The following ABLIM3 variants were observed in gnomAD, a reference collection of about 807,000 sequenced individuals.
ABLIM3 encodes the protein actin binding LIM protein family member 3.
Under a neutral mutation model 109.5 loss-of-function variants are expected in ABLIM3, and 61 were observed. The observed-to-expected ratio is 0.56, with a 90% CI of 0.45 to 0.69. The LOEUF (loss-of-function observed/expected upper bound fraction) is 0.69, where lower values mean the gene tolerates loss of function less well. Ranked by LOEUF, ABLIM3 falls within the 30% of genes least tolerant of loss-of-function variation. ABLIM3 has a pLI of 0.00. For synonymous variants in ABLIM3, 300 were observed against 324.8 expected, an observed-to-expected ratio of 0.92 and a Z score of 0.82; for missense variants, 796 against 889.5, an observed-to-expected ratio of 0.89 and a Z score of 1.34.
chr5:149,164,337 G>C (rs1482879637), intron 2 of ABLIM3: 1 of 152,218 alleles, frequency 6.6e-6, no homozygotes, highest in East Asian at 1.9e-4. Flanking sequence ...CCAAATGTTT[G>C]TTGAGTGCCC....
chr5:149,176,407 C>T (rs1019785246), intron 2 of ABLIM3, among the ~76,000 whole-genome samples: 13 of 152,182 alleles, frequency 8.5e-5, no homozygotes, highest in Non-Finnish European at 1.8e-4. Context: ...TACACCTTTA[C>T]CCCTGCTTCC....
intron 3 of ABLIM3, among the ~76,000 whole-genome samples, chr5:149,197,508 C>G (rs1189854071): frequency 6.6e-6 from 1 of 152,062 alleles, no homozygotes; most frequent in Admixed American, 6.5e-5. Flanking sequence ...ATTTTTAGCT[C>G]TTTGAGATTC....
intron 3 of ABLIM3, among the ~76,000 whole-genome samples, chr5:149,194,969 A>G (rs1188175841): frequency 1.3e-5 from 2 of 152,214 alleles, no homozygotes; most frequent in Non-Finnish European, 2.9e-5. Flanking sequence ...TATGTATAAT[A>G]TATTTCACAA....
At position 149,143,277 on chromosome 5, in the gene ABLIM3, T is replaced by G. The variant is rs375579343; in HGVS notation, c.13+1169T>G. 2.6e-5 allele frequency among the ~76,000 whole-genome samples: 4 copies of G among 151,810 alleles called. No homozygotes were observed. In the East Asian group the frequency reaches 7.8e-4, roughly 30 times the overall value. On this transcript the variant is annotated intron_variant, in intron 2 of 23. Coordinates refer to ENST00000309868, the MANE Select transcript of ABLIM3 (RefSeq NM_014945.5). ...ACTCAAGAGGCTGAGGCAGGAGAAT[T>G]GCTTGAACCTGGGAGGCAGAGGTTG...
intron 8 of ABLIM3, chr5:149,217,346 G>A: frequency 2.3e-6 from 1 of 443,534 alleles, no homozygotes; most frequent in Non-Finnish European, 4.2e-6. Context: ...TTGGGGGTGG[G>A]AAGCTGAGCT....
intron 6 of ABLIM3, among the ~76,000 whole-genome samples, chr5:149,208,833 G>T (rs1034834023): frequency 6.6e-6 from 1 of 152,194 alleles, no homozygotes; most frequent in Non-Finnish European, 1.5e-5. Context: ...AAAGGGCTGT[G>T]AATATTCAGA....
At chr5:149,164,023 C>A (rs2127450980) in intron 2 of ABLIM3, 1 of 152,180 alleles carries the variant, frequency 6.6e-6, no homozygotes, top group South Asian at 2.1e-4. Flanking sequence ...TTTAATATTT[C>A]TATTATTTTT....
Position 149,252,850 on chromosome 5 carries a change from A to C in ABLIM3, c.1938+13A>C, listed in dbSNP as rs1412166744. On this transcript the variant is annotated intron_variant, in intron 23 of 23. Coordinates refer to ENST00000309868, the MANE Select transcript of ABLIM3 (RefSeq NM_014945.5). The stretch of plus-strand genomic sequence containing the variant: ...GACCCGTTTAGAGGTAAGTCTAAAA[A>C]ACTGAGCAGGAGCTCTTGGGTTGGA... The C allele has an allele frequency of 6.2e-7, 1 of 1,608,574 alleles. No individual in the cohort carries two copies. Among genetic ancestry groups the C allele is most frequent in the Non-Finnish European group, 8.5e-7 (1 of 1,175,308 alleles).
rs1275432999 is a variant in ABLIM3, at chr5:149,247,772, C to T, written c.1552-10C>T. 8.7e-6 allele frequency: 14 copies of T among 1,614,070 alleles called. No homozygotes were observed. The highest frequency in any genetic ancestry group is 4.5e-5 in the East Asian group (2 of 44,894). On this transcript the variant is annotated splice_polypyrimidine_tract_variant and intron_variant, in intron 17 of 23. Transcript: ENST00000309868. ...CTTCTAACTTTATCTTGCTCTTCCC[C>T]GACCCTCAGCTCCAAAGTGGAATTG...
intron 23 of ABLIM3, among the ~76,000 whole-genome samples, chr5:149,256,246 C>T (rs573465575): frequency 1.4e-4 from 22 of 152,176 alleles, no homozygotes; most frequent in Admixed American, 6.5e-4. Flanking sequence ...AGACTCATAA[C>T]AAAGATTTTT....
intron 23 of ABLIM3, among the ~76,000 whole-genome samples, chr5:149,256,421 C>T (rs933450398): frequency 8.5e-5 from 13 of 152,184 alleles, no homozygotes; most frequent in African/African-American, 3.1e-4. Context: ...TTGAGTAGCA[C>T]AAACATGGAC....
Position 149,258,921 on chromosome 5 carries a change from G to T in ABLIM3, c.*517G>T. Reference sequence around the variant, plus strand: ...CCAATTAGGAGCTCAGTGCTCTCTTGGGGCAATGCAGTTAAAAGGGTGAGC... The same window carrying T: ...CCAATTAGGAGCTCAGTGCTCTCTTTGGGCAATGCAGTTAAAAGGGTGAGC... On this transcript the variant is annotated 3_prime_UTR_variant, in exon 24 of 24. Coordinates refer to ENST00000309868, the MANE Select transcript of ABLIM3 (RefSeq NM_014945.5). The T allele has an allele frequency of 1.0e-6, 1 of 990,628 alleles. No individual in the cohort carries two copies. Among genetic ancestry groups the T allele is most frequent in the African/African-American group, 1.7e-5 (1 of 57,390 alleles). The allele number at this position is 990,628 out of a possible 1,614,324, so 61.4% of individuals were successfully genotyped here. A position where few individuals can be genotyped will look rare whatever the true frequency, so the allele number is the denominator to read the frequency against.
chr5:149,186,588 T>C (rs1051718780), intron 3 of ABLIM3, among the ~76,000 whole-genome samples: 2 of 152,172 alleles, frequency 1.3e-5, no homozygotes, highest in Non-Finnish European at 2.9e-5. Context: ...GGTCTCCCAC[T>C]TGGCAAATGG....
intron 3 of ABLIM3, among the ~76,000 whole-genome samples, chr5:149,194,542 A>C (rs1467478050): frequency 6.6e-6 from 1 of 152,370 alleles, no homozygotes; most frequent in Non-Finnish European, 1.5e-5. Flanking sequence ...AATGCCCTTC[A>C]GCAGTGGAGT....
At chr5:149,146,193 C>A (rs1256634482) in intron 2 of ABLIM3, among the ~76,000 whole-genome samples, 3 of 152,056 alleles carry the variant, frequency 2.0e-5, no homozygotes, top group African/African-American at 4.8e-5. Flanking sequence ...TGTTTAAGTT[C>A]CTTATAGATT....
intron 3 of ABLIM3, among the ~76,000 whole-genome samples, chr5:149,194,733 A>G (rs1283546517): frequency 6.6e-6 from 1 of 152,218 alleles, no homozygotes; most frequent in Non-Finnish European, 1.5e-5. Context: ...CAAACTAAAC[A>G]AAATATTGTT....
intron 2 of ABLIM3, among the ~76,000 whole-genome samples, chr5:149,156,826 T>C (rs1020428046): frequency 5.9e-5 from 9 of 152,188 alleles, no homozygotes; most frequent in African/African-American, 2.2e-4. Flanking sequence ...ATAGACAATG[T>C]GTAAAGAAAT....
chr5:149,235,034 ACCTGCGCTTGTG>A (rs1270412772), intron 10 of ABLIM3, among the ~76,000 whole-genome samples: 1 of 152,176 alleles, frequency 6.6e-6, no homozygotes, highest in African/African-American at 2.4e-5. Context: ...AGCTAGGAAC[ACCTGCGCTTGTG>A]CCTTCCAACT....
intron 8 of ABLIM3, 171 bp downstream of exon 8, chr5:149,217,217 G>T (rs1190164690): frequency 3.1e-6 from 2 of 649,076 alleles, no homozygotes; most frequent in African/African-American, 3.6e-5. Context: ...TGGGAAGGTT[G>T]CCGGTGTGGC....
Sources: allele counts gnomAD v4.1 joint callset (sites outside exome capture counted in the v4.1 genomes callset), GRCh38; gene constraint gnomAD v4.1.1; transcripts MANE v1.5; gene names NCBI Gene and HGNC (gene_info 2026-07-23, HGNC 2026-07-21).